The following MTA3 variants were observed in gnomAD, a reference collection of about 807,000 sequenced individuals.
MTA3 encodes the protein metastasis associated 1 family member 3, also known as metastasis-associated protein MTA3.
MTA3 carries 34 observed loss-of-function variants against 83.5 expected under a neutral mutation model. The observed-to-expected ratio is 0.41, with a 90% CI of 0.31 to 0.54. The LOEUF (loss-of-function observed/expected upper bound fraction) is 0.54, where lower values mean the gene tolerates loss of function less well. Ranked by LOEUF, MTA3 falls within the 20% of genes least tolerant of loss-of-function variation. The pLI is 0.33. For synonymous variants in MTA3, 303 were observed against 252.7 expected (o/e 1.20, Z -1.89); for missense variants, 761 against 726.4 (o/e 1.05, Z -0.55).
intron 16 of MTA3, among the ~76,000 whole-genome samples, chr2:42,724,398 C>A (rs1324436405): frequency 6.7e-6 from 1 of 149,046 alleles, no homozygotes; most frequent in Non-Finnish European, 1.5e-5. Context: ...GCTTGTAATC[C>A]CAACACTTTG....
chr2:42,632,444 G>A lies in MTA3; in HGVS notation c.318-7729G>A, dbSNP rs546363967. Among the ~76,000 whole-genome samples, 4 of 152,218 alleles carry A rather than the reference G, an allele frequency of 2.6e-5. No individual in the cohort carries two copies. The South Asian group carries it at 8.3e-4, about 32-fold the overall frequency. The stretch of plus-strand genomic sequence containing the variant: ...TCCCCACAAGTACTGTACTCCATAT[G>A]TTGTGGAACCTCTGAGAGATTTTCC... On this transcript the variant is annotated intron_variant, in intron 4 of 16. Coordinates refer to ENST00000405094, the MANE Select transcript of MTA3 (RefSeq NM_001330442.2).
Position 42,689,483 on chromosome 2 carries a change from A to C in MTA3, c.892-6282A>C, listed in dbSNP as rs890053270. ...CTGTTTGTGTAGACTTATTCCTTAC[A>C]TGTTTGGTTGAGTTCACTAGTGAAG... On this transcript the variant is annotated intron_variant, in intron 9 of 16. Transcript: ENST00000405094. Among the ~76,000 whole-genome samples, 3 of 152,036 alleles carry C rather than the reference A, an allele frequency of 2.0e-5. No individual in the cohort carries two copies. In the South Asian group the frequency reaches 6.2e-4, roughly 32 times the overall value.
At chr2:42,678,747 C>T (rs1277755115) in intron 8 of MTA3, among the ~76,000 whole-genome samples, 4 of 152,100 alleles carry the variant, frequency 2.6e-5, no homozygotes, top group African/African-American at 7.2e-5. Flanking sequence ...ATAATCTATA[C>T]CCTTATCATT....
rs907740911 is a variant in MTA3 at position 42,650,476 on chromosome 2, G to T, written c.500-5724G>T. Among the ~76,000 whole-genome samples the T allele has an allele frequency of 2.6e-5, 4 of 151,906 alleles. No homozygotes were observed. In the South Asian group the frequency reaches 8.3e-4, roughly 31 times the overall value. ...TTTTTTTGAGACGGAGTCTTACTCT[G>T]TCACCCAGGCTGGAGTGCAGTGGCA... On this transcript the variant is annotated intron_variant, in intron 6 of 16. Coordinates refer to ENST00000405094, the MANE Select transcript of MTA3 (RefSeq NM_001330442.2).
intron 2 of MTA3, among the ~76,000 whole-genome samples, chr2:42,515,616 C>T (rs1675109760): frequency 6.6e-6 from 1 of 151,842 alleles, no homozygotes. Context: ...GATTCTCCTG[C>T]CTCAGCCTTC....
intron 2 of MTA3, among the ~76,000 whole-genome samples, chr2:42,522,371 A>G (rs1328821321): frequency 2.0e-5 from 3 of 152,130 alleles, no homozygotes; most frequent in African/African-American, 2.4e-5. Context: ...GGCTCTTGCT[A>G]TGAGGCTTGC....
At chr2:42,650,440 G>GT (rs1210960418) in intron 6 of MTA3, among the ~76,000 whole-genome samples, 1 of 151,498 alleles carries the variant, frequency 6.6e-6, no homozygotes, top group Non-Finnish European at 1.5e-5. Context: ...GGGTTTTTTT[G>GT]TTTTTTTGGT....
At chr2:42,583,081 G>A (rs1679855505) in intron 3 of MTA3, among the ~76,000 whole-genome samples, 1 of 152,044 alleles carries the variant, frequency 6.6e-6, no homozygotes, top group South Asian at 2.1e-4. Flanking sequence ...ACCAAAAAAC[G>A]GGGAGAAAAA....
intron 2 of MTA3, among the ~76,000 whole-genome samples, chr2:42,526,125 A>C (rs1008017122): frequency 1.1e-4 from 17 of 152,262 alleles, no homozygotes; most frequent in Admixed American, 9.8e-4. Flanking sequence ...CAACAGTAAC[A>C]ATGCTCTAAT....
chr2:42,507,328 C>T (rs1042439744), intron 2 of MTA3, among the ~76,000 whole-genome samples: 2 of 152,096 alleles, frequency 1.3e-5, no homozygotes, highest in African/African-American at 4.8e-5. Flanking sequence ...TGCATGACCA[C>T]ACCCAGCTAA....
chr2:42,593,997 G>A (rs555360700), intron 3 of MTA3, among the ~76,000 whole-genome samples: 29 of 149,590 alleles, frequency 1.9e-4, no homozygotes, highest in Admixed American at 3.4e-4. Context: ...TGTCACCCAG[G>A]CTAGAGTGCA....
chr2:42,561,514 G>C (rs1677673995), intron 2 of MTA3, among the ~76,000 whole-genome samples: 1 of 151,856 alleles, frequency 6.6e-6, no homozygotes, highest in Non-Finnish European at 1.5e-5. Flanking sequence ...GTAGAGACGG[G>C]GTTTCACCAT....
intron 15 of MTA3, among the ~76,000 whole-genome samples, chr2:42,720,867 G>A (rs575544896): frequency 2.7e-5 from 4 of 146,172 alleles, no homozygotes; most frequent in East Asian, 4.0e-4. Flanking sequence ...AGGATTGACC[G>A]CTTGAGCCCA....
At chr2:42,545,558 T>G (rs1215264540) in intron 2 of MTA3, among the ~76,000 whole-genome samples, 1 of 151,820 alleles carries the variant, frequency 6.6e-6, no homozygotes, top group Non-Finnish European at 1.5e-5. Flanking sequence ...AATGTGTGAG[T>G]GTTTCGGGGG....
rs1670193231 is a variant in MTA3 at position 42,755,697 on chromosome 2, TGA to T, written c.*2302_*2303del. On this transcript the variant is annotated 3_prime_UTR_variant, in exon 17 of 17. Transcript: ENST00000405094. ...CTTTGCCGTTGGAAGCATTTGGTGC[TGA>T]GAGGGTTTCCCAGCCACCCGCTCCC... is the stretch of plus-strand genomic sequence containing the variant. 4 of 985,432 alleles carry T rather than the reference TGA, an allele frequency of 4.1e-6. No individual in the cohort carries two copies. In the South Asian group the frequency reaches 1.9e-4, roughly 46 times the overall value. 61.0% of individuals were successfully genotyped at this position (985,432 alleles called of 1,614,324 possible). A position where few individuals can be genotyped will look rare whatever the true frequency, so the allele number is the denominator to read the frequency against.
intron 3 of MTA3, among the ~76,000 whole-genome samples, chr2:42,590,634 T>G (rs58526771): frequency 0.19 from 3,010 of 16,160 alleles, 237 homozygotes; most frequent in African/African-American, 0.38. Flanking sequence ...TTTTTTTTTG[T>G]GAGGTGGAGT....
intron 2 of MTA3, among the ~76,000 whole-genome samples, chr2:42,548,833 T>TATATATATAATATATATATATATA (rs1553340692): frequency 8.7e-5 from 1 of 11,512 alleles, no homozygotes; most frequent in Non-Finnish European, 1.8e-4. Flanking sequence ...ATATATAATA[T>TATATATATAATATATATATATATA]ATATATATAT....
At chr2:42,619,685 C>CT (rs1558508904) in intron 4 of MTA3, among the ~76,000 whole-genome samples, 1 of 152,146 alleles carries the variant, frequency 6.6e-6, no homozygotes, top group African/African-American at 2.4e-5. Flanking sequence ...AAGGGAAGGA[C>CT]TAACAACAAT....
At chr2:42,577,370 C>T (rs1298917892) in intron 2 of MTA3, among the ~76,000 whole-genome samples, 1 of 151,700 alleles carries the variant, frequency 6.6e-6, no homozygotes, top group African/African-American at 2.4e-5. Context: ...GAACTATGCT[C>T]CCCGCCCCCT....
Sources: gnomAD v4.1 joint callset for allele counts (sites outside exome capture counted in the v4.1 genomes callset) on GRCh38, gnomAD v4.1.1 for gene constraint, MANE v1.5 for transcripts, NCBI Gene and HGNC (gene_info 2026-07-23, HGNC 2026-07-21) for gene names.